ATP10D: variants seen among roughly 807,000 people sequenced by gnomAD.
ATP10D encodes the protein ATPase phospholipid transporting 10D (putative), also known as phospholipid-transporting ATPase VD.
ATP10D carries 89 observed loss-of-function variants against 144.8 expected under a neutral mutation model. That is an observed-to-expected ratio of 0.61 (90% CI 0.52 to 0.73). The LOEUF (loss-of-function observed/expected upper bound fraction) is 0.73, where lower values mean the gene tolerates loss of function less well. Among genes scored for constraint, ATP10D ranks in the 30% least tolerant of loss-of-function variants. The probability of loss-of-function intolerance (pLI) is 0.00; values close to 1 mark genes in which losing one functional copy is unlikely to be tolerated. For synonymous variants in ATP10D, 571 were observed against 615.1 expected, an observed-to-expected ratio of 0.93 and a Z score of 1.06; for missense variants, 1,603 against 1,714.8, an observed-to-expected ratio of 0.93 and a Z score of 1.15.
At chr4:47,529,037 T>C (rs941302922) in intron 5 of ATP10D, among the ~76,000 whole-genome samples, 1 of 152,188 alleles carries the variant, frequency 6.6e-6, no homozygotes, top group Admixed American at 6.6e-5. Flanking sequence ...ATTCTGGATA[T>C]TGGTTCTTTG....
chr4:47,533,218 T>C (rs1375578205), intron 5 of ATP10D, among the ~76,000 whole-genome samples: 1 of 152,132 alleles, frequency 6.6e-6, no homozygotes, highest in Non-Finnish European at 1.5e-5. Flanking sequence ...AAATGCCACA[T>C]TGCTGAGGAC....
rs1417337344 is a variant in ATP10D, at chr4:47,591,308, C to A, written c.4208C>A (p.Thr1403Asn). ...IEQGNLSLCE[T>N]ALDQGYSETK... ...CAAGGAAACTTATCTCTGTGTGAAA[C>A]TGCTTTAGATCAAGGCTACTCTGAA... The change falls in exon 23 of 23, where the codon ACT (threonine) becomes AAT (asparagine). Residue 1403 changes from threonine to asparagine, a missense_variant. Thr to Asn is a moderately conservative substitution (Grantham distance 65). Transcript: ENST00000273859. 1 of 1,612,708 alleles carries A rather than the reference C, an allele frequency of 6.2e-7. No homozygotes were observed.
chr4:47,495,309 T>C (rs2109383883), intron 1 of ATP10D, among the ~76,000 whole-genome samples: 1 of 152,156 alleles, frequency 6.6e-6, no homozygotes, highest in East Asian at 1.9e-4. Flanking sequence ...TTTTATGAAG[T>C]TGTGCTTTAA....
chr4:47,551,783 A>T (rs987773518), intron 10 of ATP10D, among the ~76,000 whole-genome samples: 4 of 152,218 alleles, frequency 2.6e-5, no homozygotes, highest in Admixed American at 6.5e-5. Flanking sequence ...CACTGACAAG[A>T]GAGCAAAAGC....
chr4:47,590,485 G>A (rs528780467), intron 22 of ATP10D, among the ~76,000 whole-genome samples: 1 of 152,238 alleles, frequency 6.6e-6, no homozygotes, highest in Admixed American at 6.6e-5. Context: ...TAGTAACCAG[G>A]AAAAGAAATG....
intron 1 of ATP10D, among the ~76,000 whole-genome samples, chr4:47,508,112 G>C (rs1311090790): frequency 6.6e-6 from 1 of 152,152 alleles, no homozygotes; most frequent in Non-Finnish European, 1.5e-5. Flanking sequence ...ATTCTTATCA[G>C]GGGGTCTTGG....
At chr4:47,577,937 C>T (rs930373398) in intron 19 of ATP10D, among the ~76,000 whole-genome samples, 5 of 152,294 alleles carry the variant, frequency 3.3e-5, no homozygotes, top group East Asian at 3.9e-4. Flanking sequence ...AAATCCACTT[C>T]GGAAAGGAGG....
At chr4:47,491,111 CT>C in intron 1 of ATP10D, 2 of 730,364 alleles carry the variant, frequency 2.7e-6, no homozygotes, top group Admixed American at 1.8e-5. Flanking sequence ...TTCTCTTTGG[CT>C]TTTTTCTTTT....
intron 21 of ATP10D, among the ~76,000 whole-genome samples, chr4:47,585,752 CT>C (rs1720754680): frequency 6.6e-6 from 1 of 150,594 alleles, no homozygotes; most frequent in South Asian, 2.1e-4. Context: ...CAGTATTTGT[CT>C]TTCTGTGCCT....
chr4:47,515,735 C>G (rs897689594), intron 3 of ATP10D, 65 bp downstream of exon 3: 1 of 1,310,790 alleles, frequency 7.6e-7, no homozygotes, highest in African/African-American at 1.5e-5. Flanking sequence ...CAGAATGTTA[C>G]TTTTTTCTCC....
At chr4:47,512,016 G>A (rs1716360376) in intron 1 of ATP10D, among the ~76,000 whole-genome samples, 1 of 152,192 alleles carries the variant, frequency 6.6e-6, no homozygotes, top group Non-Finnish European at 1.5e-5. Context: ...CTCTTGATTG[G>A]CAGAGAGTTA....
chr4:47,519,477 A>G (rs1716838992), intron 3 of ATP10D, among the ~76,000 whole-genome samples: 1 of 152,224 alleles, frequency 6.6e-6, no homozygotes, highest in Admixed American at 6.5e-5. Flanking sequence ...CTCTGGGGAA[A>G]GAAGAAAGTC....
At chr4:47,493,039 A>T (rs1715164672) in intron 1 of ATP10D, among the ~76,000 whole-genome samples, 1 of 152,168 alleles carries the variant, frequency 6.6e-6, no homozygotes, top group African/African-American at 2.4e-5. Flanking sequence ...AGCTACAAAT[A>T]ACTCTACTTT....
chr4:47,489,404 C>T (rs1714958219), intron 1 of ATP10D, among the ~76,000 whole-genome samples: 1 of 151,894 alleles, frequency 6.6e-6, no homozygotes, highest in Non-Finnish European at 1.5e-5. Flanking sequence ...AAAAATCAAC[C>T]TATGCACAGA....
At chr4:47,522,943 T>A (rs538680614) in intron 3 of ATP10D, 69 bp from the exon 4 acceptor site, 63 of 1,288,414 alleles carry the variant, frequency 4.9e-5, no homozygotes, top group South Asian at 4.2e-4. Context: ...AAAAAATTTT[T>A]TAAAAAAAAC....
At position 47,536,950 on chromosome 4, in the gene ATP10D, AT is replaced by A. The variant is rs775347399; in HGVS notation, c.1396+15del. 19 of 1,592,946 alleles carry A rather than the reference AT, an allele frequency of 1.2e-5. No homozygotes were observed. Among genetic ancestry groups the A allele is most frequent in the Non-Finnish European group, 1.6e-5 (19 of 1,171,086 alleles). On this transcript the variant is annotated intron_variant, in intron 9 of 22. Coordinates refer to ENST00000273859, the MANE Select transcript of ATP10D (RefSeq NM_020453.4). ...CCATGAAGAAAATGGTGAGTGTTGG[AT>A]TTCCGTGAAAACCAACCTTAGCATT...
chr4:47,564,655 G>A (rs1461334642), intron 15 of ATP10D, among the ~76,000 whole-genome samples: 2 of 152,142 alleles, frequency 1.3e-5, no homozygotes, highest in African/African-American at 4.8e-5. Flanking sequence ...AGGAGGCTTA[G>A]ACTCAGCCCA....
At chr4:47,580,535 T>C (rs913240678) in intron 20 of ATP10D, 57 bp downstream of exon 20, 53 of 1,491,004 alleles carry the variant, frequency 3.6e-5, no homozygotes, top group Non-Finnish European at 4.3e-5. Context: ...TGCTTCTTTG[T>C]ACTTTGCCAC....
chr4:47,496,257 A>T (rs1715368102), intron 1 of ATP10D, among the ~76,000 whole-genome samples: 1 of 148,414 alleles, frequency 6.7e-6, no homozygotes, highest in African/African-American at 2.5e-5. Context: ...TCCCGGGTTC[A>T]AGCCATTCTC....
Sources: gnomAD v4.1 joint callset for allele counts (sites outside exome capture counted in the v4.1 genomes callset) on GRCh38, gnomAD v4.1.1 for gene constraint, MANE v1.5 for transcripts, NCBI Gene and HGNC (gene_info 2026-07-23, HGNC 2026-07-21) for gene names.